The following VPS37A variants were observed in gnomAD, a reference collection of about 807,000 sequenced individuals.
VPS37A encodes vacuolar protein sorting-associated protein 37A.
In VPS37A, 30 loss-of-function variants were observed where a neutral mutation model predicts 49.8. That is an observed-to-expected ratio of 0.60 (90% CI 0.45 to 0.82). VPS37A has a LOEUF of 0.82. Among genes scored for constraint, VPS37A ranks in the 40% least tolerant of loss-of-function variants. VPS37A has a pLI of 0.00. For synonymous variants in VPS37A, 195 were observed against 160.6 expected (o/e 1.21, Z -1.62); for missense variants, 593 against 464.4 (o/e 1.28, Z -2.55).
chr8:17,304,304 T>TC, downstream of VPS37A: 1 of 1,525,810 alleles, frequency 6.6e-7, no homozygotes, highest in Non-Finnish European at 9.0e-7. Context: ...GTCATACACT[T>TC]TGACCTCTGA....
In VPS37A at chr8:17,295,442, G is replaced by A. The variant is rs937999538; in HGVS notation, c.*456G>A. ...AAACCCTTATTTTTCTTTCTTTGTG[G>A]ATAAAACTTTCAAAAGCAATTTAAG... On this transcript the variant is annotated 3_prime_UTR_variant, in exon 12 of 12. Transcript: ENST00000324849. The A allele has an allele frequency of 6.6e-6, 1 of 152,178 alleles. No individual in the cohort carries two copies. The highest frequency in any genetic ancestry group is 1.5e-5 in the Non-Finnish European group (1 of 67,922). The allele number at this position is 152,178 out of a possible 1,614,324, so 9.4% of individuals were successfully genotyped here. A position where few individuals can be genotyped will look rare whatever the true frequency, so the allele number is the denominator to read the frequency against.
chr8:17,309,219 A>G, the VPS37A span: 1 of 1,171,156 alleles, frequency 8.5e-7, no homozygotes, highest in Admixed American at 2.2e-5. Context: ...TTCAATTGAA[A>G]TTTTCAGAAA....
intron 1 of VPS37A, chr8:17,248,053 T>A (rs1811510627): frequency 6.8e-6 from 3 of 439,082 alleles, no homozygotes; most frequent in South Asian, 6.6e-5. Context: ...TCATGGTCAG[T>A]TTAGAAATAT....
chr8:17,266,567 G>C (rs534605206), intron 2 of VPS37A, among the ~76,000 whole-genome samples: 3 of 152,306 alleles, frequency 2.0e-5, no homozygotes, highest in Non-Finnish European at 4.4e-5. Flanking sequence ...GTGATTACCT[G>C]AGGTTACATT....
At chr8:17,269,157 A>G (rs968322194) in intron 4 of VPS37A, among the ~76,000 whole-genome samples, 2 of 152,156 alleles carry the variant, frequency 1.3e-5, no homozygotes, top group African/African-American at 2.4e-5. Context: ...TGAATAATGT[A>G]TGCGTACTTC....
At chr8:17,299,734 T>TCATA, downstream of VPS37A, 2 of 1,355,296 alleles carry the variant, frequency 1.5e-6, no homozygotes, top group Non-Finnish European at 2.0e-6. Context: ...TTTTCCCTTT[T>TCATA]CATAGCTGCA....
downstream of VPS37A, among the ~76,000 whole-genome samples, chr8:17,300,615 A>T (rs1240485903): frequency 6.6e-6 from 1 of 152,228 alleles, no homozygotes; most frequent in Non-Finnish European, 1.5e-5. Context: ...ACTGAGATAC[A>T]ATTCACTTAC....
At chr8:17,329,952 G>A in the VPS37A span, among the ~76,000 whole-genome samples, 20 of 152,188 alleles carry the variant, frequency 1.3e-4, no homozygotes, top group African/African-American at 4.3e-4. Context: ...GATGTAGGAA[G>A]GGATTTCTGC....
In VPS37A at chr8:17,247,384, C is replaced by G. The variant is rs1318782590; in HGVS notation, c.125+15C>G. 10 of 1,535,332 alleles carry G rather than the reference C, an allele frequency of 6.5e-6. No individual in the cohort carries two copies. The Middle Eastern group carries it at 6.6e-4, about 101-fold the overall frequency. ...TCACACTCCAGGTGACTGGTCGCTG[C>G]CTCTCCACCGGAGGAAAAAGTAGGG... On this transcript the variant is annotated intron_variant, in intron 1 of 11. Coordinates refer to ENST00000324849, the MANE Select transcript of VPS37A (RefSeq NM_152415.3).
At chr8:17,274,541 C>CG (rs147107326) in intron 4 of VPS37A, among the ~76,000 whole-genome samples, 192 bp from the exon 5 acceptor site, 15 of 149,964 alleles carry the variant, frequency 1.0e-4, no homozygotes, top group African/African-American at 1.7e-4. Context: ...TCTTTTTTTT[C>CG]GGGGGGGTGG....
At chr8:17,247,716 A>G in intron 1 of VPS37A, 1 of 702,614 alleles carries the variant, frequency 1.4e-6, no homozygotes, top group East Asian at 2.7e-5. Context: ...TGCCCACCTG[A>G]TTGCCGCGTC....
chr8:17,316,650 AAAAAAT>A, the VPS37A span, among the ~76,000 whole-genome samples: 2 of 152,206 alleles, frequency 1.3e-5, no homozygotes, highest in South Asian at 2.1e-4. Flanking sequence ...AAATATTTGA[AAAAAAT>A]AAAAATAACA....
chr8:17,247,168 G>T lies in VPS37A; in HGVS notation c.-77G>T, dbSNP rs1041426053. ...CGTCCCACCCCGCTCCTCTGTCGCT[G>T]GAGAACCGCCGGGCCGAGCCACTGG... On this transcript the variant is annotated 5_prime_UTR_variant, in exon 1 of 12. Transcript: ENST00000324849. 6.5e-7 allele frequency: 1 copy of T among 1,544,224 alleles called. No individual in the cohort carries two copies.
the VPS37A span, among the ~76,000 whole-genome samples, chr8:17,322,399 G>A: frequency 6.6e-6 from 1 of 152,212 alleles, no homozygotes; most frequent in African/African-American, 2.4e-5. Context: ...TAGTATATAT[G>A]AATGTGAATT....
downstream of VPS37A, chr8:17,305,824 G>A (rs749341642): frequency 1.5e-5 from 24 of 1,613,556 alleles, no homozygotes; most frequent in Non-Finnish European, 2.0e-5. Context: ...TAAATGTGAT[G>A]TTGAATGTGA....
intron 11 of VPS37A, among the ~76,000 whole-genome samples, chr8:17,289,938 C>G (rs1815983959): frequency 6.6e-6 from 1 of 152,078 alleles, no homozygotes; most frequent in Non-Finnish European, 1.5e-5. Flanking sequence ...AAGTTGGATT[C>G]CTAGGTATTT....
downstream of VPS37A, among the ~76,000 whole-genome samples, chr8:17,302,732 G>A (rs1371657848): frequency 2.7e-5 from 2 of 75,370 alleles, no homozygotes; most frequent in Non-Finnish European, 5.0e-5. Context: ...TTTTTTTAAT[G>A]GCAGAGTTTC....
downstream of VPS37A, chr8:17,299,988 G>C: frequency 6.2e-7 from 1 of 1,614,082 alleles, no homozygotes; most frequent in Non-Finnish European, 8.5e-7. Context: ...GGTCACTGTT[G>C]GCTGACAGAT....
chr8:17,298,074 C>T (rs1312670777), downstream of VPS37A: 1 of 152,010 alleles, frequency 6.6e-6, no homozygotes, highest in Admixed American at 6.5e-5. Context: ...TAGACATACA[C>T]TGTCAAACGG....
Sources: gnomAD v4.1 joint callset for allele counts (sites outside exome capture counted in the v4.1 genomes callset) on GRCh38, gnomAD v4.1.1 for gene constraint, MANE v1.5 for transcripts, NCBI Gene and HGNC (gene_info 2026-07-23, HGNC 2026-07-21) for gene names.